The following PCDHA4 variants were observed in gnomAD, a reference collection of about 807,000 sequenced individuals.
PCDHA4 encodes protocadherin alpha 4, also known as protocadherin alpha-4.
In PCDHA4, 49 loss-of-function variants were observed where a neutral mutation model predicts 61.4. The observed-to-expected ratio is 0.80, with a 90% CI of 0.63 to 1.01. The LOEUF (loss-of-function observed/expected upper bound fraction) is 1.01. PCDHA4 is among the 50% of genes least tolerant of loss of function. The pLI, the probability that PCDHA4 is intolerant of heterozygous loss-of-function variation, is 0.00. For missense variants in PCDHA4, 1,254 were observed against 1,235.8 expected (o/e 1.01, Z -0.22); for synonymous variants, 590 against 550.3 (o/e 1.07, Z -1.01).
At chr5:140,984,453 T>C (rs2097104309) in intron 3 of PCDHA4, among the ~76,000 whole-genome samples, 1 of 152,254 alleles carries the variant, frequency 6.6e-6, no homozygotes, top group South Asian at 2.1e-4. Flanking sequence ...CCTTTCTTAC[T>C]GTCCCAGCCC....
At chr5:140,825,944 G>T (rs2150141904) in intron 1 of PCDHA4, 2 of 152,286 alleles carry the variant, frequency 1.3e-5, no homozygotes, top group Non-Finnish European at 2.9e-5. Context: ...GAAATAATGA[G>T]AACCATTTGT....
intron 1 of PCDHA4, chr5:140,841,257 C>T: frequency 1.3e-6 from 2 of 1,515,268 alleles, no homozygotes; most frequent in Non-Finnish European, 1.8e-6. Context: ...TTAAAAGACT[C>T]TGAAAGTACA....
rs1444177179 is a variant in PCDHA4 at position 140,984,821 on chromosome 5, T to C, written c.2533+2258T>C. On this transcript the variant is annotated intron_variant, in intron 3 of 3. Transcript: ENST00000530339. ...CTGCCTGAATTCATATTTTCTTAAT[T>C]ACCCTTTCTGTAAATTGGGTGTAGT... Among the ~76,000 whole-genome samples, 4 of 152,192 alleles carry C rather than the reference T, an allele frequency of 2.6e-5. No individual in the cohort carries two copies. In the East Asian group the frequency reaches 7.7e-4, roughly 29 times the overall value.
At chr5:140,966,232 C>A (rs1353392797) in intron 1 of PCDHA4, 14 of 285,432 alleles carry the variant, frequency 4.9e-5, no homozygotes, top group African/African-American at 2.4e-4. Flanking sequence ...TCCTTAAAGA[C>A]CCGTTAAGCA....
chr5:140,823,210 C>T (rs2150123487), intron 1 of PCDHA4: 11 of 1,613,788 alleles, frequency 6.8e-6, no homozygotes, highest in South Asian at 3.3e-5. Flanking sequence ...GGTGTCTGCA[C>T]GGGACGCGGA....
chr5:141,006,207 T>C (rs1434083054), intron 3 of PCDHA4, among the ~76,000 whole-genome samples: 4 of 150,998 alleles, frequency 2.6e-5, no homozygotes, highest in Non-Finnish European at 5.9e-5. Context: ...TTATGCCTCA[T>C]TTTTTTTTAA....
At chr5:140,981,683 T>A (rs1484532280) in intron 2 of PCDHA4, among the ~76,000 whole-genome samples, 5 of 152,034 alleles carry the variant, frequency 3.3e-5, no homozygotes, top group Non-Finnish European at 5.9e-5. Flanking sequence ...CCTTCCTCCC[T>A]TCCATCATTC....
chr5:140,987,892 A>C (rs1383983251), intron 3 of PCDHA4, among the ~76,000 whole-genome samples: 1 of 152,094 alleles, frequency 6.6e-6, no homozygotes, highest in Non-Finnish European at 1.5e-5. Flanking sequence ...TATGTGCCCT[A>C]GTTTTATATG....
intron 1 of PCDHA4, chr5:140,858,585 T>G: frequency 7.4e-7 from 1 of 1,345,266 alleles, no homozygotes. Flanking sequence ...GTAATATAAT[T>G]TATTCCAGGA....
chr5:140,923,062 A>G (rs548165193), intron 1 of PCDHA4, among the ~76,000 whole-genome samples: 1 of 152,372 alleles, frequency 6.6e-6, no homozygotes, highest in African/African-American at 2.4e-5. Context: ...TAAAAGAGCT[A>G]GGTCTCCTCA....
chr5:140,931,546 A>G (rs1416561002), intron 1 of PCDHA4, among the ~76,000 whole-genome samples: 1 of 152,048 alleles, frequency 6.6e-6, no homozygotes, highest in Non-Finnish European at 1.5e-5. Flanking sequence ...TACTGTTCAT[A>G]TGTGCAGGAA....
intron 1 of PCDHA4, chr5:140,966,731 G>A: frequency 7.1e-7 from 1 of 1,405,136 alleles, no homozygotes; most frequent in Non-Finnish European, 9.2e-7. Context: ...TGCCGCCTCC[G>A]GCCCTGCCCG....
intron 1 of PCDHA4, among the ~76,000 whole-genome samples, chr5:140,959,960 T>C (rs1236536895): frequency 6.6e-6 from 1 of 152,124 alleles, no homozygotes; most frequent in Non-Finnish European, 1.5e-5. Context: ...AGGTAGGAGG[T>C]AGATGTTACT....
At chr5:140,990,736 C>G (rs181451094) in intron 3 of PCDHA4, among the ~76,000 whole-genome samples, 22 of 152,218 alleles carry the variant, frequency 1.4e-4, no homozygotes, top group African/African-American at 5.3e-4. Flanking sequence ...TATCAACAGC[C>G]CTAGGGTGGA....
chr5:140,809,658 T>G (rs1554125340), intron 1 of PCDHA4, 86 bp downstream of exon 1: 2 of 1,487,350 alleles, frequency 1.3e-6, no homozygotes, highest in East Asian at 4.6e-5. Flanking sequence ...GAGTCAAATT[T>G]CCCTGGGTTA....
chr5:141,006,376 TAA>T (rs2098270900), intron 3 of PCDHA4, among the ~76,000 whole-genome samples: 1 of 151,996 alleles, frequency 6.6e-6, no homozygotes, highest in South Asian at 2.1e-4. Flanking sequence ...CACGCCCGGC[TAA>T]GTTTTTTCTA....
At chr5:140,841,903 C>A in intron 1 of PCDHA4, 5 of 1,613,800 alleles carry the variant, frequency 3.1e-6, no homozygotes, top group Non-Finnish European at 4.2e-6. Flanking sequence ...TGGTTGAGCT[C>A]GTATTAAGAA....
chr5:140,954,570 T>G (rs2095058412), intron 1 of PCDHA4, among the ~76,000 whole-genome samples: 1 of 152,252 alleles, frequency 6.6e-6, no homozygotes. Context: ...GACTGTCTTC[T>G]TTTCAGAAGT....
chr5:140,857,226 C>G, intron 1 of PCDHA4: 2 of 1,598,494 alleles, frequency 1.3e-6, no homozygotes, highest in Non-Finnish European at 1.7e-6. Context: ...CCTCACGTTC[C>G]GTTCAAGCTG....
Sources: gnomAD v4.1 joint callset for allele counts (sites outside exome capture counted in the v4.1 genomes callset) on GRCh38, gnomAD v4.1.1 for gene constraint, MANE v1.5 for transcripts, NCBI Gene and HGNC (gene_info 2026-07-23, HGNC 2026-07-21) for gene names.